The following FAAH2 variants were observed in gnomAD, a reference collection of about 807,000 sequenced individuals.
FAAH2 encodes the protein fatty-acid amide hydrolase 2.
In FAAH2, 60 loss-of-function variants were observed where a neutral mutation model predicts 36.9. The observed-to-expected ratio is 1.63, with a 90% CI of 1.32 to 2.02. FAAH2 has a LOEUF of 2.02. FAAH2 is among the 30% of genes most tolerant of loss of function. The pLI, the probability that FAAH2 is intolerant of heterozygous loss-of-function variation, is 0.00. For missense variants in FAAH2, 689 were observed against 397.5 expected (o/e 1.73, Z -6.23); for synonymous variants, 214 against 143.8 (o/e 1.49, Z -3.49).
chrX:57,329,679 A>T (rs1394805843), intron 3 of FAAH2, among the ~76,000 whole-genome samples: 1 of 109,756 alleles, frequency 9.1e-6, no homozygotes, highest in Non-Finnish European at 1.9e-5. Flanking sequence ...GTTGGAGGTC[A>T]TCGTGGGCGA....
intron 8 of FAAH2, among the ~76,000 whole-genome samples, chrX:57,443,896 TG>T (rs777346663): frequency 8.9e-5 from 10 of 112,275 alleles, no homozygotes; most frequent in African/African-American, 3.2e-4. Context: ...TCTGTTTGCC[TG>T]GGTATCACCA....
intron 3 of FAAH2, among the ~76,000 whole-genome samples, chrX:57,319,616 A>T (rs916401466): frequency 8.9e-6 from 1 of 112,223 alleles, no homozygotes; most frequent in Non-Finnish European, 1.9e-5. Context: ...TATAGATTCA[A>T]TGCTATCCCC....
At chrX:57,279,818 A>G in the FAAH2 span, among the ~76,000 whole-genome samples, 2 of 111,856 alleles carry the variant, frequency 1.8e-5, no homozygotes, top group East Asian at 5.6e-4. Context: ...GTTCTCAACA[A>G]ACAAGATTTT....
chrX:57,232,838 G>A, the FAAH2 span, among the ~76,000 whole-genome samples: 1 of 112,300 alleles, frequency 8.9e-6, no homozygotes, highest in East Asian at 2.8e-4. Context: ...TGACTCAGTG[G>A]TATCTCTACA....
At chrX:57,217,555 A>C in the FAAH2 span, among the ~76,000 whole-genome samples, 3 of 111,465 alleles carry the variant, frequency 2.7e-5, no homozygotes, top group African/African-American at 9.8e-5. Flanking sequence ...TCCCCACTTT[A>C]TGCTTTTATT....
upstream of FAAH2, among the ~76,000 whole-genome samples, chrX:57,286,162 G>A (rs2051807225): frequency 8.9e-6 from 1 of 111,913 alleles, no homozygotes; most frequent in Non-Finnish European, 1.9e-5. Flanking sequence ...GGCATTTCAA[G>A]TGTCCAGTTT....
chrX:57,416,571 G>T (rs1487915264), intron 7 of FAAH2, among the ~76,000 whole-genome samples: 2 of 112,071 alleles, frequency 1.8e-5, no homozygotes, highest in Non-Finnish European at 3.8e-5. Context: ...CTCTATTCTG[G>T]CTTGCAGGGT....
the FAAH2 span, among the ~76,000 whole-genome samples, chrX:57,182,228 T>C: frequency 1.8e-5 from 2 of 112,317 alleles, no homozygotes; most frequent in Non-Finnish European, 3.8e-5. Context: ...AAAGCAATAA[T>C]TGACAAATTA....
chrX:57,452,363 C>G, intron 10 of FAAH2: 1 of 740,428 alleles, frequency 1.4e-6, no homozygotes, highest in South Asian at 6.9e-5. Context: ...TGTACCCATG[C>G]CAGTCATTAA....
chrX:57,335,939 TC>T (rs1291940864), intron 4 of FAAH2, among the ~76,000 whole-genome samples: 1 of 111,603 alleles, frequency 9.0e-6, no homozygotes, highest in East Asian at 2.8e-4. Context: ...CAGCCCTTAA[TC>T]CATTTAACCC....
rs780119373 is a variant in FAAH2 at position 57,391,225 on chromosome X, T to G, written c.996+10196T>G. ...TTGTAGACTGTGGATATTAGACCAT[T>G]TTCAGAGGCATAATTTGCAAATATT... On this transcript the variant is annotated intron_variant, in intron 7 of 10. Transcript: ENST00000374900. Among the ~76,000 whole-genome samples, 3 of 111,449 alleles carry G rather than the reference T, an allele frequency of 2.7e-5. No homozygotes were observed. The South Asian group carries it at 1.1e-3, about 42-fold the overall frequency.
the FAAH2 span, among the ~76,000 whole-genome samples, chrX:57,145,506 T>A: frequency 0.29 from 32,090 of 111,212 alleles, 3,595 homozygotes; most frequent in Middle Eastern, 0.57. Context: ...AATCTGTGCA[T>A]TGTCTGTTTA....
chrX:57,380,171 T>C (rs1271470797), intron 6 of FAAH2, among the ~76,000 whole-genome samples: 1 of 110,867 alleles, frequency 9.0e-6, no homozygotes, highest in Non-Finnish European at 1.9e-5. Flanking sequence ...TACTGGCTCT[T>C]CTTCCTTTGT....
the FAAH2 span, among the ~76,000 whole-genome samples, chrX:57,203,320 C>CTCATGCTA: frequency 1.8e-5 from 2 of 112,448 alleles, no homozygotes; most frequent in Admixed American, 9.4e-5. Flanking sequence ...GTACAGATCA[C>CTCATGCTA]TCATGCTATT....
intron 10 of FAAH2, among the ~76,000 whole-genome samples, chrX:57,468,644 G>T (rs2057097217): frequency 8.9e-6 from 1 of 111,863 alleles, no homozygotes; most frequent in East Asian, 2.8e-4. Flanking sequence ...AAACTGACGG[G>T]GAGAATGGAA....
intron 10 of FAAH2, among the ~76,000 whole-genome samples, chrX:57,474,921 T>C (rs960364319): frequency 8.9e-6 from 1 of 111,899 alleles, no homozygotes; most frequent in Admixed American, 9.5e-5. Context: ...CTCATTGTGG[T>C]TTTGATTTGT....
chrX:57,245,917 G>A, the FAAH2 span, among the ~76,000 whole-genome samples: 2 of 110,609 alleles, frequency 1.8e-5, no homozygotes, highest in African/African-American at 6.6e-5. Context: ...AGAACCCTTT[G>A]AAAAATCAAT....
intron 8 of FAAH2, among the ~76,000 whole-genome samples, chrX:57,438,846 G>A (rs1276239812): frequency 1.9e-5 from 2 of 103,143 alleles, no homozygotes; most frequent in Admixed American, 2.2e-4. Flanking sequence ...GTGAGAACAT[G>A]CGGTGTTTGG....
chrX:57,453,730 C>A (rs1022494213), intron 10 of FAAH2, among the ~76,000 whole-genome samples: 1 of 111,972 alleles, frequency 8.9e-6, no homozygotes, highest in African/African-American at 3.2e-5. Context: ...CTTCTTGAAC[C>A]CCCGGAAAGC....
Sources: allele counts gnomAD v4.1 joint callset (sites outside exome capture counted in the v4.1 genomes callset), GRCh38; gene constraint gnomAD v4.1.1; transcripts MANE v1.5; gene names NCBI Gene and HGNC (gene_info 2026-07-23, HGNC 2026-07-21).